LGSN: variants seen among roughly 807,000 people sequenced by gnomAD.
LGSN encodes the protein lengsin, lens protein with glutamine synthetase domain, also known as lengsin.
A neutral mutation model predicts 19.5 loss-of-function variants in LGSN; 21 were observed. That is an observed-to-expected ratio of 1.07 (90% CI 0.76 to 1.55). LGSN has a LOEUF of 1.55. Among genes scored for constraint, LGSN ranks in the 40% most tolerant of loss-of-function variants. The probability of loss-of-function intolerance (pLI) is 0.00; values close to 1 mark genes in which losing one functional copy is unlikely to be tolerated. For synonymous variants in LGSN, 257 were observed against 215.6 expected (o/e 1.19, Z -1.68); for missense variants, 673 against 608.5 (o/e 1.11, Z -1.12).
At chr6:63,393,841 A>G in the LGSN span, among the ~76,000 whole-genome samples, 1 of 152,084 alleles carries the variant, frequency 6.6e-6, no homozygotes, top group Non-Finnish European at 1.5e-5. Flanking sequence ...CCAGGTATAT[A>G]CCCCAGACAA....
At chr6:63,449,917 A>G in the LGSN span, among the ~76,000 whole-genome samples, 1 of 152,198 alleles carries the variant, frequency 6.6e-6, no homozygotes, top group Non-Finnish European at 1.5e-5. Flanking sequence ...TTATTTATCA[A>G]ATGAAAACAT....
At chr6:63,375,088 T>G in the LGSN span, among the ~76,000 whole-genome samples, 1 of 152,228 alleles carries the variant, frequency 6.6e-6, no homozygotes, top group South Asian at 2.1e-4. Flanking sequence ...TTGTTGATTT[T>G]CCGGGGCAAT....
At chr6:63,484,289 G>C in the LGSN span, among the ~76,000 whole-genome samples, 2 of 152,172 alleles carry the variant, frequency 1.3e-5, no homozygotes, top group Non-Finnish European at 2.9e-5. Flanking sequence ...GATCACCTGA[G>C]GTCAGGAGTT....
the LGSN span, among the ~76,000 whole-genome samples, chr6:63,529,572 T>G: frequency 6.6e-6 from 1 of 152,162 alleles, no homozygotes; most frequent in African/African-American, 2.4e-5. Flanking sequence ...TCTTTCCTTT[T>G]GTAGAGGAGG....
chr6:63,523,466 G>A, the LGSN span, among the ~76,000 whole-genome samples: 9 of 151,992 alleles, frequency 5.9e-5, no homozygotes, highest in South Asian at 8.3e-4. Flanking sequence ...AGCCATGATC[G>A]TGCCACTGCA....
chr6:63,548,632 A>T, the LGSN span: 1 of 397,274 alleles, frequency 2.5e-6, no homozygotes, highest in Non-Finnish European at 4.7e-6. Flanking sequence ...TGTAAACACA[A>T]CCCTGATTTA....
chr6:63,412,690 A>AGGGAAG, the LGSN span, among the ~76,000 whole-genome samples: 4 of 118,922 alleles, frequency 3.4e-5, no homozygotes, highest in South Asian at 2.7e-4. Flanking sequence ...AGAAAGAAAG[A>AGGGAAG]GAAAGAAAGA....
At chr6:63,338,229 T>A in the LGSN span, among the ~76,000 whole-genome samples, 1 of 152,090 alleles carries the variant, frequency 6.6e-6, no homozygotes, top group Non-Finnish European at 1.5e-5. Context: ...AGTTCAAAAT[T>A]ATCTCAAAAA....
the LGSN span, among the ~76,000 whole-genome samples, chr6:63,380,474 T>C: frequency 6.6e-6 from 1 of 152,240 alleles, no homozygotes. Context: ...TGCTCCTTTT[T>C]GGTAGACAGC....
the LGSN span, among the ~76,000 whole-genome samples, chr6:63,335,142 C>CA: frequency 0.11 from 8,928 of 81,598 alleles, 416 homozygotes; most frequent in Middle Eastern, 0.17. Flanking sequence ...GACTCCATCT[C>CA]AAAAAAAAAA....
chr6:63,279,709 G>A lies in LGSN; in HGVS notation c.*312C>T, dbSNP rs948849846. On this transcript the variant is annotated 3_prime_UTR_variant, in exon 4 of 4. Transcript: ENST00000370657. ...TTAAGTCTTTTTTTTCTTAATGTGC[G>A]AATATATTTATTGCCACCCAAAATT... is the stretch of plus-strand genomic sequence containing the variant. 9 of 172,642 alleles carry A rather than the reference G, an allele frequency of 5.2e-5. No individual in the cohort carries two copies. Among genetic ancestry groups the A allele is most frequent in the Non-Finnish European group, 9.6e-5 (8 of 83,046 alleles). The allele number at this position is 172,642 out of a possible 1,614,324, so 10.7% of individuals were successfully genotyped here. A position where few individuals can be genotyped will look rare whatever the true frequency, so the allele number is the denominator to read the frequency against.
the LGSN span, chr6:63,441,302 AC>A: frequency 2.2e-6 from 1 of 463,896 alleles, no homozygotes; most frequent in South Asian, 1.9e-5. Flanking sequence ...CGCAGCACCC[AC>A]CAGCAGACTT....
chr6:63,398,225 A>AG, the LGSN span, among the ~76,000 whole-genome samples: 18 of 145,454 alleles, frequency 1.2e-4, no homozygotes, highest in Admixed American at 3.4e-4. Flanking sequence ...AAAAAAAAAA[A>AG]AAGTTAACTA....
the LGSN span, among the ~76,000 whole-genome samples, chr6:63,381,498 C>G: frequency 3.3e-5 from 5 of 152,170 alleles, no homozygotes; most frequent in Admixed American, 2.6e-4. Flanking sequence ...AAAATAACTT[C>G]TTATGAAAAG....
the LGSN span, among the ~76,000 whole-genome samples, chr6:63,538,431 T>G: frequency 2.0e-5 from 3 of 152,254 alleles, no homozygotes; most frequent in Non-Finnish European, 4.4e-5. Flanking sequence ...ATGTTGGATA[T>G]TCTGTGTTTT....
chr6:63,492,168 C>T, the LGSN span, among the ~76,000 whole-genome samples: 11 of 152,158 alleles, frequency 7.2e-5, no homozygotes, highest in Admixed American at 6.5e-4. Flanking sequence ...TATGTTCAAA[C>T]TTCCTAAAAC....
chr6:63,470,019 T>C, the LGSN span, among the ~76,000 whole-genome samples: 1 of 151,944 alleles, frequency 6.6e-6, no homozygotes. Flanking sequence ...CCTGGCCACA[T>C]TTATTGTTTT....
At chr6:63,499,949 A>G in the LGSN span, among the ~76,000 whole-genome samples, 2 of 151,348 alleles carry the variant, frequency 1.3e-5, no homozygotes, top group South Asian at 2.1e-4. Context: ...TTATTTAACA[A>G]TCCAGGTAAT....
chr6:63,460,237 C>T, the LGSN span, among the ~76,000 whole-genome samples: 1 of 150,000 alleles, frequency 6.7e-6, no homozygotes, highest in East Asian at 2.0e-4. Flanking sequence ...GGATTACAGG[C>T]ATGAGCCACC....
Sources: gnomAD v4.1 joint callset for allele counts (sites outside exome capture counted in the v4.1 genomes callset) on GRCh38, gnomAD v4.1.1 for gene constraint, MANE v1.5 for transcripts, NCBI Gene and HGNC (gene_info 2026-07-23, HGNC 2026-07-21) for gene names.